GPC6: variants seen among roughly 807,000 people sequenced by gnomAD.
GPC6 encodes glypican 6, also known as glypican-6.
GPC6 carries 14 observed loss-of-function variants against 55.2 expected under a neutral mutation model. The ratio of observed to expected loss-of-function variants is 0.25; its 90% CI spans 0.17 to 0.40. The LOEUF (loss-of-function observed/expected upper bound fraction) is 0.40. GPC6 is among the 10% of genes least tolerant of loss of function. GPC6 has a pLI of 1.00. For synonymous variants in GPC6, 278 were observed against 259.6 expected (o/e 1.07, Z -0.68); for missense variants, 641 against 708.5 (o/e 0.90, Z 1.08).
upstream of GPC6, among the ~76,000 whole-genome samples, chr13:93,226,332 A>G (rs762428276): frequency 4.6e-5 from 7 of 152,204 alleles, no homozygotes; most frequent in Non-Finnish European, 8.8e-5. Context: ...AAATAAAAAA[A>G]GGGGAAATTG....
intron 1 of GPC6, among the ~76,000 whole-genome samples, chr13:93,421,029 C>T (rs1876902837): frequency 6.6e-6 from 1 of 152,032 alleles, no homozygotes; most frequent in African/African-American, 2.4e-5. Flanking sequence ...TGCAAAGGGC[C>T]TAAGATGAGA....
At chr13:93,826,654 T>C (rs1366830339) in intron 2 of GPC6, among the ~76,000 whole-genome samples, 1 of 152,238 alleles carries the variant, frequency 6.6e-6, no homozygotes, top group African/African-American at 2.4e-5. Flanking sequence ...TGCTGTGTGA[T>C]GTAGACTGTA....
At chr13:94,024,694 C>T (rs964601392) in intron 3 of GPC6, among the ~76,000 whole-genome samples, 3 of 151,942 alleles carry the variant, frequency 2.0e-5, no homozygotes, top group East Asian at 1.9e-4. Flanking sequence ...GTTGCTACCC[C>T]GAGTTGGAGA....
At chr13:94,092,222 A>G (rs1885512660) in intron 4 of GPC6, among the ~76,000 whole-genome samples, 2 of 152,020 alleles carry the variant, frequency 1.3e-5, no homozygotes, top group South Asian at 4.2e-4. Flanking sequence ...ACTGTGCTCT[A>G]TATTGTAGCT....
chr13:94,144,536 AGTGTGT>A (rs758759927), intron 4 of GPC6, among the ~76,000 whole-genome samples: 161 of 80,108 alleles, frequency 2.0e-3, no homozygotes, highest in Non-Finnish European at 3.0e-3. Context: ...ATTCTTTGGG[AGTGTGT>A]GTGTATGTGT....
intron 1 of GPC6, among the ~76,000 whole-genome samples, chr13:93,444,195 C>CTTCTTTTTTTTTTTTTTTTTTTTT (rs755978023): frequency 3.6e-5 from 4 of 110,708 alleles, no homozygotes; most frequent in Non-Finnish European, 3.7e-5. Flanking sequence ...TGCAATTCTT[C>CTTCTTTTTTTTTTTTTTTTTTTTT]TTTTTTTTTT....
At chr13:93,252,792 T>C (rs1274379948) in intron 1 of GPC6, among the ~76,000 whole-genome samples, 1 of 152,202 alleles carries the variant, frequency 6.6e-6, no homozygotes, top group African/African-American at 2.4e-5. Flanking sequence ...GTTGGAAATA[T>C]AAAGGAATTT....
At chr13:93,308,186 G>A (rs1878942357) in intron 1 of GPC6, among the ~76,000 whole-genome samples, 1 of 152,152 alleles carries the variant, frequency 6.6e-6, no homozygotes, top group South Asian at 2.1e-4. Context: ...TCGGGAGGCT[G>A]AGGCAGGAGA....
intron 1 of GPC6, among the ~76,000 whole-genome samples, chr13:93,239,101 A>C (rs113017178): frequency 7.2e-4 from 110 of 152,098 alleles, no homozygotes; most frequent in African/African-American, 2.6e-3. Context: ...TACTGGCTTC[A>C]TAGGATGAGT....
chr13:94,343,781 G>A (rs1421421711), intron 6 of GPC6, among the ~76,000 whole-genome samples: 1 of 152,106 alleles, frequency 6.6e-6, no homozygotes, highest in Non-Finnish European at 1.5e-5. Context: ...CCAGCCTGGA[G>A]TTCAGTGGTG....
At chr13:93,296,057 A>G (rs907132833) in intron 1 of GPC6, among the ~76,000 whole-genome samples, 4 of 152,240 alleles carry the variant, frequency 2.6e-5, no homozygotes, top group East Asian at 1.9e-4. Flanking sequence ...TTATGTCCCA[A>G]AGGTCCTCCT....
At chr13:93,693,439 A>ACG (rs150541717) in intron 2 of GPC6, among the ~76,000 whole-genome samples, 1 of 149,222 alleles carries the variant, frequency 6.7e-6, no homozygotes, top group African/African-American at 2.5e-5. Flanking sequence ...ATGGAGATAT[A>ACG]TGTGTGTGTG....
chr13:93,753,163 G>A (rs538677296), intron 2 of GPC6, among the ~76,000 whole-genome samples: 2 of 152,276 alleles, frequency 1.3e-5, no homozygotes, highest in South Asian at 2.1e-4. Flanking sequence ...CACAGTAAGA[G>A]ACCCTGTTAC....
intron 1 of GPC6, among the ~76,000 whole-genome samples, chr13:93,319,060 G>A (rs796618661): frequency 1.3e-5 from 2 of 152,050 alleles, no homozygotes; most frequent in African/African-American, 2.4e-5. Flanking sequence ...AATTACTTCC[G>A]ATAGCACTGG....
At chr13:93,634,822 T>A (rs1376463049) in intron 2 of GPC6, among the ~76,000 whole-genome samples, 2 of 152,174 alleles carry the variant, frequency 1.3e-5, no homozygotes, top group Admixed American at 1.3e-4. Flanking sequence ...ATGTGGTCAG[T>A]CGCAGGCCAG....
chr13:93,238,500 G>T (rs1876316953), intron 1 of GPC6, among the ~76,000 whole-genome samples: 1 of 148,644 alleles, frequency 6.7e-6, no homozygotes, highest in African/African-American at 2.5e-5. Context: ...GGTTTTTTTA[G>T]GTATAGGAAC....
chr13:93,628,495 G>A (rs1162098781), intron 2 of GPC6, among the ~76,000 whole-genome samples: 4 of 152,174 alleles, frequency 2.6e-5, no homozygotes, highest in African/African-American at 9.7e-5. Context: ...AGCTGTGTAA[G>A]TATTTCTACA....
In GPC6 at chr13:93,804,735, C is replaced by T. The variant is rs1022088481; in HGVS notation, c.320-25419C>T. On this transcript the variant is annotated intron_variant, in intron 2 of 8. Transcript: ENST00000377047. ...CTATCCCAAATCAACCACCAGGAAC[C>T]ATAGATTCTCTCTTGACAACTATCC... is the stretch of plus-strand genomic sequence containing the variant. Among the ~76,000 whole-genome samples, 6 of 152,126 alleles carry T rather than the reference C, an allele frequency of 3.9e-5. No homozygotes were observed. The South Asian group carries it at 8.3e-4, about 21-fold the overall frequency.
intron 6 of GPC6, among the ~76,000 whole-genome samples, chr13:94,329,113 T>C (rs1877281079): frequency 6.6e-6 from 1 of 152,234 alleles, no homozygotes; most frequent in South Asian, 2.1e-4. Flanking sequence ...AAGAGCTGGT[T>C]AGTATCTTTT....
Sources: gnomAD v4.1 joint callset for allele counts (sites outside exome capture counted in the v4.1 genomes callset) on GRCh38, gnomAD v4.1.1 for gene constraint, MANE v1.5 for transcripts, NCBI Gene and HGNC (gene_info 2026-07-23, HGNC 2026-07-21) for gene names.